SORCS3: variants seen among roughly 807,000 people sequenced by gnomAD.
SORCS3 encodes the protein VPS10 domain-containing receptor SorCS3.
A neutral mutation model predicts 146.3 loss-of-function variants in SORCS3; 57 were observed. The ratio of observed to expected loss-of-function variants is 0.39; its 90% CI spans 0.31 to 0.49. The LOEUF is 0.49. Among genes scored for constraint, SORCS3 ranks in the 20% least tolerant of loss-of-function variants. The probability of loss-of-function intolerance (pLI) is 0.92; values close to 1 mark genes in which losing one functional copy is unlikely to be tolerated. For synonymous variants in SORCS3, 653 were observed against 618.5 expected, an observed-to-expected ratio of 1.06 and a Z score of -0.83; for missense variants, 1,341 against 1,575.5, an observed-to-expected ratio of 0.85 and a Z score of 2.52.
intron 2 of SORCS3, among the ~76,000 whole-genome samples, chr10:104,859,563 C>G (rs1349635802): frequency 6.6e-6 from 1 of 152,170 alleles, no homozygotes; most frequent in East Asian, 1.9e-4. Context: ...CCAAAATTGA[C>G]AAATGGGATC....
intron 1 of SORCS3, among the ~76,000 whole-genome samples, chr10:104,805,122 A>G (rs1235579593): frequency 7.9e-5 from 12 of 152,234 alleles, no homozygotes. Flanking sequence ...GCCATAAGCC[A>G]TGGACCCTGC....
chr10:104,824,037 G>T (rs1264015197), intron 1 of SORCS3, among the ~76,000 whole-genome samples: 1 of 152,094 alleles, frequency 6.6e-6, no homozygotes, highest in Admixed American at 6.5e-5. Context: ...GCTGGGAAAA[G>T]AAAAACAACA....
intron 1 of SORCS3, among the ~76,000 whole-genome samples, chr10:104,651,759 C>T (rs76365089): frequency 0.015 from 2,356 of 152,148 alleles, 68 homozygotes; most frequent in African/African-American, 0.054. Context: ...GTACTCTACC[C>T]GTATTCCCGG....
intron 14 of SORCS3, among the ~76,000 whole-genome samples, chr10:105,194,222 A>C (rs982000677): frequency 6.6e-6 from 1 of 152,184 alleles, no homozygotes; most frequent in Admixed American, 6.5e-5. Flanking sequence ...ATAAAAAAAG[A>C]AAGTCCCAGC....
chr10:104,840,761 C>T (rs1229168269), intron 1 of SORCS3, among the ~76,000 whole-genome samples: 2 of 11,976 alleles, frequency 1.7e-4, no homozygotes, highest in Non-Finnish European at 2.7e-4. Flanking sequence ...GTAGATTTTG[C>T]ACTTTTTAGA....
At chr10:105,126,257 C>A (rs1258414847) in intron 7 of SORCS3, among the ~76,000 whole-genome samples, 2 of 152,120 alleles carry the variant, frequency 1.3e-5, no homozygotes, top group Non-Finnish European at 2.9e-5. Context: ...CACACACTCA[C>A]TATTTCTTTC....
chr10:104,843,414 C>T (rs968896174), intron 2 of SORCS3, among the ~76,000 whole-genome samples: 1 of 152,178 alleles, frequency 6.6e-6, no homozygotes, highest in African/African-American at 2.4e-5. Context: ...TCTGTTTTAC[C>T]ACTGCGTTGG....
intron 1 of SORCS3, among the ~76,000 whole-genome samples, chr10:104,753,999 T>C (rs2017017799): frequency 6.6e-6 from 1 of 152,226 alleles, no homozygotes; most frequent in African/African-American, 2.4e-5. Flanking sequence ...AGACCTAATA[T>C]AATTTAGTGA....
intron 4 of SORCS3, among the ~76,000 whole-genome samples, chr10:105,033,861 A>G (rs550953826): frequency 2.6e-4 from 40 of 152,208 alleles, no homozygotes; most frequent in Admixed American, 2.0e-4. Context: ...ATTAGAACTA[A>G]TTTTGAGAGA....
chr10:105,254,104 C>T (rs989969531), intron 23 of SORCS3, among the ~76,000 whole-genome samples: 5 of 152,160 alleles, frequency 3.3e-5, no homozygotes, highest in Admixed American at 1.3e-4. Context: ...ATGTGTTCTG[C>T]GACTTGCTAG....
At chr10:105,243,063 ATATATATT>A (rs1303827726) in intron 20 of SORCS3, among the ~76,000 whole-genome samples, 1 of 137,088 alleles carries the variant, frequency 7.3e-6, no homozygotes, top group Non-Finnish European at 1.5e-5. Context: ...TTATATATTT[ATATATATT>A]TATATATATA....
chr10:105,239,725 T>C (rs2056812369), intron 20 of SORCS3, among the ~76,000 whole-genome samples: 1 of 152,184 alleles, frequency 6.6e-6, no homozygotes, highest in African/African-American at 2.4e-5. Context: ...GAAAGGCCAA[T>C]TTGCTGGGAT....
intron 5 of SORCS3, among the ~76,000 whole-genome samples, chr10:105,080,756 A>G (rs1175587970): frequency 6.6e-6 from 1 of 152,128 alleles, no homozygotes; most frequent in African/African-American, 2.4e-5. Flanking sequence ...AATCTTCTGC[A>G]TTTGGCTAGC....
intron 4 of SORCS3, among the ~76,000 whole-genome samples, chr10:105,016,484 A>C (rs7092070): frequency 0.028 from 4,287 of 152,082 alleles, 158 homozygotes; most frequent in African/African-American, 0.086. Flanking sequence ...AAAATATTAC[A>C]TGATTTTTAG....
intron 3 of SORCS3, among the ~76,000 whole-genome samples, chr10:104,957,695 G>A (rs2019509883): frequency 6.6e-6 from 1 of 151,870 alleles, no homozygotes; most frequent in Non-Finnish European, 1.5e-5. Context: ...GAGGCAGCTG[G>A]GGCTCCTCAT....
At chr10:105,052,200 T>A (rs2055417856) in intron 5 of SORCS3, among the ~76,000 whole-genome samples, 1 of 152,178 alleles carries the variant, frequency 6.6e-6, no homozygotes, top group South Asian at 2.1e-4. Context: ...TGTTTGGTCC[T>A]GCCTTGGGAG....
chr10:104,930,840 G>A (rs921748697), intron 3 of SORCS3, among the ~76,000 whole-genome samples: 1 of 152,112 alleles, frequency 6.6e-6, no homozygotes, highest in African/African-American at 2.4e-5. Flanking sequence ...CTGTGTAATC[G>A]GGATGATACT....
chr10:104,921,050 CAA>C (rs1256145192), intron 3 of SORCS3, among the ~76,000 whole-genome samples: 1 of 152,218 alleles, frequency 6.6e-6, no homozygotes, highest in Admixed American at 6.5e-5. Flanking sequence ...GCTCTGGAAG[CAA>C]GAGAGTGTAT....
chr10:104,884,158 G>T (rs535678335), intron 2 of SORCS3, among the ~76,000 whole-genome samples: 5 of 152,334 alleles, frequency 3.3e-5, no homozygotes, highest in African/African-American at 1.2e-4. Flanking sequence ...GGCAGGCCAA[G>T]TCAAACATTT....
Sources: gnomAD v4.1 joint callset for allele counts (sites outside exome capture counted in the v4.1 genomes callset) on GRCh38, gnomAD v4.1.1 for gene constraint, MANE v1.5 for transcripts, NCBI Gene and HGNC (gene_info 2026-07-23, HGNC 2026-07-21) for gene names.